Variants in PCNX1 observed in about 807,000 individuals in gnomAD.
PCNX1 encodes the protein pecanex-like protein 1.
PCNX1 carries 78 observed loss-of-function variants against 242.2 expected under a neutral mutation model. The ratio of observed to expected loss-of-function variants is 0.32; its 90% CI spans 0.27 to 0.39. The LOEUF is 0.39. Among genes scored for constraint, PCNX1 ranks in the 10% least tolerant of loss-of-function variants. The probability of loss-of-function intolerance (pLI) is 1.00; values close to 1 mark genes in which losing one functional copy is unlikely to be tolerated. For synonymous variants in PCNX1, 1,024 were observed against 1,032.9 expected (o/e 0.99, Z 0.17); for missense variants, 2,581 against 2,856.5 (o/e 0.90, Z 2.20).
intron 3 of PCNX1, among the ~76,000 whole-genome samples, chr14:70,967,894 A>T (rs1439648941): frequency 6.6e-6 from 1 of 152,098 alleles, no homozygotes; most frequent in Non-Finnish European, 1.5e-5. Flanking sequence ...TATAAAAATG[A>T]TAATTGTATG....
chr14:70,945,331 C>G (rs1381613456), intron 1 of PCNX1, among the ~76,000 whole-genome samples: 1 of 152,166 alleles, frequency 6.6e-6, no homozygotes, highest in Non-Finnish European at 1.5e-5. Context: ...TTGTAAACTT[C>G]TAAATATATT....
At position 71,052,003 on chromosome 14, in the gene PCNX1, G is replaced by A; in HGVS notation, c.4568G>A (p.Arg1523Lys). The change falls in exon 24 of 36, where the codon AGA (arginine) becomes AAA (lysine). Residue 1523 changes from arginine (R) to lysine (K), a missense_variant. Transcript: ENST00000304743. ...GTCCGACCTGTGAAATTCTGGGAGA[G>A]AGACTATAAGTGAGTAAAGTAAAAC... ...SYVRPVKFWE[R>K]DYNTKRVDHS... 6.2e-7 allele frequency: 1 copy of A among 1,611,448 alleles called. No individual in the cohort carries two copies.
Position 70,911,746 on chromosome 14 carries a change from A to G in PCNX1, c.153+3743A>G, listed in dbSNP as rs150834889. On this transcript the variant is annotated intron_variant, in intron 1 of 35. Transcript: ENST00000304743. ...TGTTTTTCAAGAAAATATTTATGAA[A>G]TAGAAGAAATTATTTACCTTCAGAA... Among the ~76,000 whole-genome samples, 903 of 152,322 alleles carry G rather than the reference A, an allele frequency of 5.9e-3. 9 individuals carry two copies. Among genetic ancestry groups the G allele is most frequent in the African/African-American group, 0.02 (813 of 41,570 alleles).
chr14:71,073,486 A>G, intron 26 of PCNX1, 59 bp from the exon 27 acceptor site: 1 of 1,494,718 alleles, frequency 6.7e-7, no homozygotes, highest in East Asian at 2.3e-5. Context: ...GTGTCCTTGC[A>G]TTCATTTTTC....
chr14:71,074,093 G>A (rs1014283555), intron 27 of PCNX1, among the ~76,000 whole-genome samples: 4 of 152,138 alleles, frequency 2.6e-5, no homozygotes, highest in African/African-American at 9.7e-5. Context: ...GCATACACAC[G>A]TGTATCTTAC....
intron 25 of PCNX1, among the ~76,000 whole-genome samples, chr14:71,056,175 A>G (rs976926065): frequency 7.2e-5 from 11 of 152,220 alleles, no homozygotes; most frequent in African/African-American, 2.7e-4. Flanking sequence ...GTATTAATTT[A>G]CTAAAATAAA....
Position 70,932,092 on chromosome 14 carries a change from A to T in PCNX1, c.154-14823A>T, listed in dbSNP as rs190135610. ...CAGAGAGCCGAGATCGCGCCATTGCACTCCAGCCTGGGCAACAAGAGCAAA... is the reference window on the plus strand; with the variant it reads ...CAGAGAGCCGAGATCGCGCCATTGCTCTCCAGCCTGGGCAACAAGAGCAAA... On this transcript the variant is annotated intron_variant, in intron 1 of 35. Coordinates refer to ENST00000304743, the MANE Select transcript of PCNX1 (RefSeq NM_014982.3). Among the ~76,000 whole-genome samples, 12 of 152,354 alleles carry T rather than the reference A, an allele frequency of 7.9e-5. No individual in the cohort carries two copies. The East Asian group carries it at 1.7e-3, about 22-fold the overall frequency.
chr14:70,944,919 A>G (rs1389602776), intron 1 of PCNX1, among the ~76,000 whole-genome samples: 2 of 152,124 alleles, frequency 1.3e-5, no homozygotes, highest in East Asian at 3.9e-4. Context: ...CATGATTGTA[A>G]GTTTCCTGAG....
At chr14:70,956,866 A>G (rs760509035) in intron 2 of PCNX1, among the ~76,000 whole-genome samples, 4 of 152,158 alleles carry the variant, frequency 2.6e-5, no homozygotes, top group Non-Finnish European at 5.9e-5. Context: ...CAGTAAGAGG[A>G]GAATAATAAC....
chr14:71,045,140 T>G lies in PCNX1; in HGVS notation c.3875T>G (p.Leu1292Arg), dbSNP rs750944030. ...STVFTVLQPALKYVLYTLVGF... is the reference protein window; with the variant it reads ...STVFTVLQPARKYVLYTLVGF... ...TTCTATTATTTTTTTTAGCCTGCCC[T>G]CAAGTATGTGTTGTATACATTGGTT... Residue 1292 changes from leucine (L) to arginine (R), a missense_variant, in exon 20 of 36, where the codon CTC becomes CGC. This residue lies in a region of PCNX1 where 432 missense variants were observed against 443.1 expected (regional missense o/e 0.97). Coordinates refer to ENST00000304743, the MANE Select transcript of PCNX1 (RefSeq NM_014982.3). The G allele has an allele frequency of 1.9e-6, 3 of 1,587,492 alleles. No individual in the cohort carries two copies. The highest frequency in any genetic ancestry group is 1.7e-6 in the Non-Finnish European group (2 of 1,170,994).
chr14:71,000,808 G>C (rs557755341), intron 8 of PCNX1, among the ~76,000 whole-genome samples: 7 of 152,192 alleles, frequency 4.6e-5, no homozygotes, highest in Non-Finnish European at 8.8e-5. Context: ...TTATAGGCAT[G>C]AGCCACCATG....
Position 70,942,682 on chromosome 14 carries a change from C to A in PCNX1, c.154-4233C>A, listed in dbSNP as rs188413791. On this transcript the variant is annotated intron_variant, in intron 1 of 35. Coordinates refer to ENST00000304743, the MANE Select transcript of PCNX1 (RefSeq NM_014982.3). ...CTGGAGCTTCCATGCTGTCTCTGGG[C>A]ATGCCACCCTCCAGAAACCTCCATG... is the stretch of plus-strand genomic sequence containing the variant. 1.5e-3 allele frequency among the ~76,000 whole-genome samples: 227 copies of A among 152,340 alleles called. 6 individuals carry two copies. Among genetic ancestry groups the A allele is most frequent in the East Asian group, 9.6e-4 (5 of 5,190 alleles).
intron 28 of PCNX1, among the ~76,000 whole-genome samples, chr14:71,081,568 G>T (rs989853369): frequency 2.0e-5 from 3 of 152,138 alleles, no homozygotes; most frequent in Admixed American, 2.0e-4. Context: ...TCTATTCAGG[G>T]ATTCGACTTC....
At chr14:71,097,920 A>T (rs537336482) in intron 30 of PCNX1, among the ~76,000 whole-genome samples, 3 of 152,298 alleles carry the variant, frequency 2.0e-5, no homozygotes, top group African/African-American at 7.2e-5. Flanking sequence ...AAGGTCTTAC[A>T]TTTAAATCTT....
intron 11 of PCNX1, among the ~76,000 whole-genome samples, chr14:71,016,192 A>G (rs563265796): frequency 9.2e-5 from 14 of 152,250 alleles, no homozygotes; most frequent in Non-Finnish European, 2.1e-4. Context: ...TAAGGAGTCA[A>G]TTAATCCACA....
chr14:71,113,507 T>G lies in PCNX1; in HGVS notation c.*3572T>G, dbSNP rs1177911872. ...CTCACATTTTTCAGCAAGTTTAGCT[T>G]ATAGCCTTGATAAATTCCTCTGTGC... On this transcript the variant is annotated 3_prime_UTR_variant, in exon 36 of 36. Transcript: ENST00000304743. 1 of 152,672 alleles carries G rather than the reference T, an allele frequency of 6.5e-6. No homozygotes were observed. Among genetic ancestry groups the G allele is most frequent in the Non-Finnish European group, 1.5e-5 (1 of 68,038 alleles). 9.5% of individuals were successfully genotyped at this position (152,672 alleles called of 1,614,324 possible). A position where few individuals can be genotyped will look rare whatever the true frequency, so the allele number is the denominator to read the frequency against.
intron 26 of PCNX1, chr14:71,060,541 A>G (rs551163257): frequency 5.3e-5 from 8 of 152,262 alleles, no homozygotes; most frequent in South Asian, 4.1e-4. Flanking sequence ...ATTCACAGCT[A>G]TTGTTGCCAG....
intron 2 of PCNX1, among the ~76,000 whole-genome samples, chr14:70,948,846 T>C (rs1007368243): frequency 6.7e-6 from 1 of 148,480 alleles, no homozygotes; most frequent in Admixed American, 6.7e-5. Context: ...ATAAAATGTA[T>C]GTGTGTATAT....
chr14:71,031,699 GCTAAGT>G (rs2060388552), intron 16 of PCNX1: 1 of 835,930 alleles, frequency 1.2e-6, no homozygotes, highest in Admixed American at 1.9e-5. Context: ...GAGCCCCAGA[GCTAAGT>G]GGCCTTTGGC....
Sources: allele counts gnomAD v4.1 joint callset (sites outside exome capture counted in the v4.1 genomes callset), GRCh38; gene constraint gnomAD v4.1.1; regional missense constraint gnomAD v4.1.1; transcripts MANE v1.5; gene names NCBI Gene and HGNC (gene_info 2026-07-23, HGNC 2026-07-21).